Variants in CENPC observed in about 807,000 individuals in gnomAD.
The protein encoded by CENPC is CENP-C 1.
A neutral mutation model predicts 112.1 loss-of-function variants in CENPC; 63 were observed. That is an observed-to-expected ratio of 0.56 (90% CI 0.46 to 0.69). The LOEUF (loss-of-function observed/expected upper bound fraction) is 0.69, where lower values mean the gene tolerates loss of function less well. Ranked by LOEUF, CENPC falls within the 30% of genes least tolerant of loss-of-function variation. The pLI, the probability that CENPC is intolerant of heterozygous loss-of-function variation, is 0.00. For synonymous variants in CENPC, 333 were observed against 367.6 expected, an observed-to-expected ratio of 0.91 and a Z score of 1.08; for missense variants, 1,000 against 1,103.8, an observed-to-expected ratio of 0.91 and a Z score of 1.33.
At chr4:67,495,734 T>C (rs1422447754) in intron 12 of CENPC, among the ~76,000 whole-genome samples, 1 of 152,224 alleles carries the variant, frequency 6.6e-6, no homozygotes, top group Non-Finnish European at 1.5e-5. Flanking sequence ...ATGTAGGGCC[T>C]GATAATGGAT....
In CENPC at chr4:67,508,857, C is replaced by T. The variant is rs1343704740; in HGVS notation, c.1861G>A (p.Asp621Asn). The T allele has an allele frequency of 1.9e-6, 3 of 1,613,616 alleles. No individual in the cohort carries two copies. The highest frequency in any genetic ancestry group is 2.5e-6 in the Non-Finnish European group (3 of 1,179,694). Residue 621 changes from aspartate to asparagine, a missense_variant, in exon 10 of 19, where the codon GAT (aspartate) becomes AAT (asparagine). Transcript: ENST00000273853. ...TTCTTCTTAGCCAAGTCTGCCTCAT[C>T]ACTTTCCAATGGCTCACTCAGCGAA... ...RCSLSEPLES[D>N]EADLAKKKNL...
intron 17 of CENPC, among the ~76,000 whole-genome samples, chr4:67,480,869 T>C (rs1276286099): frequency 1.3e-5 from 2 of 152,094 alleles, no homozygotes; most frequent in East Asian, 3.8e-4. Context: ...GAAAAGTTTC[T>C]CCTGAGAACT....
chr4:67,545,304 A>T, intron 1 of CENPC, 34 bp downstream of exon 1: 1 of 1,461,472 alleles, frequency 6.8e-7, no homozygotes, highest in Non-Finnish European at 9.1e-7. Context: ...CCAGCCGCTC[A>T]ACCACTCGCC....
At chr4:67,521,322 T>C (rs1726223444) in intron 5 of CENPC, among the ~76,000 whole-genome samples, 1 of 151,828 alleles carries the variant, frequency 6.6e-6, no homozygotes, top group Non-Finnish European at 1.5e-5. Context: ...AATAATCAAT[T>C]ACAAATCCTC....
At chr4:67,505,022 T>G (rs1456334341) in intron 12 of CENPC, 183 bp downstream of exon 12, 1 of 562,722 alleles carries the variant, frequency 1.8e-6, no homozygotes, top group Non-Finnish European at 3.1e-6. Context: ...CTTAAAAAAC[T>G]GTCACTCATT....
chr4:67,487,569 TG>T (rs941013715), intron 17 of CENPC, among the ~76,000 whole-genome samples: 13 of 151,856 alleles, frequency 8.6e-5, no homozygotes, highest in African/African-American at 2.9e-4. Flanking sequence ...TTAAGTAGGT[TG>T]CTGTCACCTT....
chr4:67,472,216 T>C lies in CENPC; in HGVS notation c.*389A>G, dbSNP rs1415760205. 1 of 153,276 alleles carries C rather than the reference T, an allele frequency of 6.5e-6. No homozygotes were observed. Among genetic ancestry groups the C allele is most frequent in the East Asian group, 1.9e-4 (1 of 5,222 alleles). 9.5% of individuals were successfully genotyped at this position (153,276 alleles called of 1,614,324 possible). The stretch of plus-strand genomic sequence containing the variant: ...CAGTTCTAGGAAATTAATACAAACA[T>C]GCCTTTTACCACAGTTCTCTCCCAT... On this transcript the variant is annotated 3_prime_UTR_variant, in exon 19 of 19. Coordinates refer to ENST00000273853, the MANE Select transcript of CENPC (RefSeq NM_001812.4).
chr4:67,501,512 TA>T (rs1392229409), intron 12 of CENPC, among the ~76,000 whole-genome samples: 1 of 152,088 alleles, frequency 6.6e-6, no homozygotes, highest in Non-Finnish European at 1.5e-5. Context: ...TGAAGGAAAC[TA>T]AGGGACATGG....
At chr4:67,517,829 CCT>C (rs1382881939) in intron 7 of CENPC, among the ~76,000 whole-genome samples, 3 of 151,984 alleles carry the variant, frequency 2.0e-5, no homozygotes, top group Non-Finnish European at 2.9e-5. Flanking sequence ...AGAGCGAGAC[CCT>C]GTCTCAAAAT....
At position 67,505,196 on chromosome 4, in the gene CENPC, A is replaced by G. The variant is rs375275429; in HGVS notation, c.2131+9T>C. 23 of 1,548,440 alleles carry G rather than the reference A, an allele frequency of 1.5e-5. No individual in the cohort carries two copies. In the African/African-American group the frequency reaches 2.7e-4, roughly 18 times the overall value. On this transcript the variant is annotated intron_variant, in intron 12 of 18. Transcript: ENST00000273853. Reference sequence around the variant, plus strand: ...TAAAAATCAAGACAGAAAAAAAACAATAGTTTACCTGAACTTCCATGAACT... The same window carrying G: ...TAAAAATCAAGACAGAAAAAAAACAGTAGTTTACCTGAACTTCCATGAACT...
chr4:67,516,221 G>A (rs1391552907), intron 7 of CENPC, among the ~76,000 whole-genome samples: 2 of 152,002 alleles, frequency 1.3e-5, no homozygotes, highest in African/African-American at 2.4e-5. Context: ...CTTTCCTAGA[G>A]AAGGGAGGAA....
At chr4:67,542,627 G>C (rs761906088) in intron 2 of CENPC, among the ~76,000 whole-genome samples, 57 of 152,142 alleles carry the variant, frequency 3.7e-4, no homozygotes, top group Non-Finnish European at 6.9e-4. Context: ...TGCAAATCTA[G>C]TTAAAAACCC....
chr4:67,514,723 A>G (rs1371520469), intron 7 of CENPC, 36 bp from the exon 8 acceptor site: 4 of 1,522,560 alleles, frequency 2.6e-6, no homozygotes, highest in East Asian at 4.8e-5. Context: ...GTTCAAAAAA[A>G]TAAAGCTTTT....
rs745384874 is a variant in CENPC, at chr4:67,514,435, G to C, written c.1083C>G (p.Asp361Glu). 2.5e-6 allele frequency: 4 copies of C among 1,613,550 alleles called. No homozygotes were observed. Among genetic ancestry groups the C allele is most frequent in the Non-Finnish European group, 3.4e-6 (4 of 1,179,854 alleles). The change falls in exon 8 of 19, where the codon GAC becomes GAG. Residue 361 changes from aspartate (D) to glutamate (E), a missense_variant. Physicochemically the swap from Asp to Glu is conservative, Grantham distance 45 (BLOSUM62 2). Transcript: ENST00000273853. Reference sequence around the variant, plus strand: ...CTGGGTGAGGTTTATGGGAATGTTTGTCATTTGCCAAAGTCTTAGGTAATA... The same window carrying C: ...CTGGGTGAGGTTTATGGGAATGTTTCTCATTTGCCAAAGTCTTAGGTAATA... ...HNILPKTLAN[D>E]KHSHKPHPVE...
intron 10 of CENPC, among the ~76,000 whole-genome samples, chr4:67,508,567 T>C (rs1003465568): frequency 5.3e-5 from 8 of 149,618 alleles, no homozygotes; most frequent in South Asian, 2.2e-4. Flanking sequence ...TAATATCTTA[T>C]TAAATTTAAC....
chr4:67,533,052 TAGAG>T (rs1726605496), intron 4 of CENPC, among the ~76,000 whole-genome samples: 4 of 152,088 alleles, frequency 2.6e-5, no homozygotes, highest in Admixed American at 2.6e-4. Context: ...ATCAGCACAG[TAGAG>T]AAATAAATAA....
intron 14 of CENPC, 77 bp from the exon 15 acceptor site, chr4:67,493,074 G>T: frequency 1.7e-6 from 2 of 1,180,438 alleles, no homozygotes; most frequent in Non-Finnish European, 1.2e-6. Context: ...ATTTAATATG[G>T]CACATTTCCT....
chr4:67,502,970 C>T (rs757467982), intron 12 of CENPC, among the ~76,000 whole-genome samples: 4 of 152,162 alleles, frequency 2.6e-5, no homozygotes, highest in African/African-American at 4.8e-5. Context: ...ATTTCAACAT[C>T]TCTCCAGCTA....
At chr4:67,517,818 C>G (rs1726102765) in intron 7 of CENPC, among the ~76,000 whole-genome samples, 1 of 152,148 alleles carries the variant, frequency 6.6e-6, no homozygotes, top group South Asian at 2.1e-4. Context: ...GCCTGGAAGA[C>G]AGAGCGAGAC....
Sources: gnomAD v4.1 joint callset for allele counts (sites outside exome capture counted in the v4.1 genomes callset) on GRCh38, gnomAD v4.1.1 for gene constraint, MANE v1.5 for transcripts, NCBI Gene and HGNC (gene_info 2026-07-23, HGNC 2026-07-21) for gene names.